The following PEAK1 variants were observed in gnomAD, a reference collection of about 807,000 sequenced individuals.
PEAK1 encodes the protein inactive tyrosine-protein kinase PEAK1.
A neutral mutation model predicts 124.7 loss-of-function variants in PEAK1; 54 were observed. The observed-to-expected ratio is 0.43, with a 90% CI of 0.35 to 0.54. The LOEUF (loss-of-function observed/expected upper bound fraction) is 0.54. Among genes scored for constraint, PEAK1 ranks in the 20% least tolerant of loss-of-function variants. The pLI is 0.01. For synonymous variants in PEAK1, 719 were observed against 760.0 expected, an observed-to-expected ratio of 0.95 and a Z score of 0.89; for missense variants, 2,046 against 2,134.5, an observed-to-expected ratio of 0.96 and a Z score of 0.82.
At position 77,133,191 on chromosome 15, in the gene PEAK1, G is replaced by C; in HGVS notation, c.3891C>G (p.Ala1297=). 5.6e-6 allele frequency: 9 copies of C among 1,614,198 alleles called. No homozygotes were observed. The highest frequency in any genetic ancestry group is 7.6e-6 in the Non-Finnish European group (9 of 1,180,038). ...VGKIRSLHTD[A]LKKLAVKCED... ...CGCATTTAACAGCCAGTTTCTTCAA[G>C]GCATCTGTATGAAGGCTTCGGATTT... Residue 1297 remains alanine, a synonymous_variant, in exon 9 of 10, where the codon GCC becomes GCG. Coordinates refer to ENST00000682557, the MANE Select transcript of PEAK1 (RefSeq NM_001385026.1). This position sits in a 1 kb window ranked among gnomAD's most constrained non-coding sequence, Gnocchi z 4.2.
chr15:77,100,680 AAGATAAATTTAAACCAC>A (rs2050686933), exon 7 of PEAK1: 1 of 152,216 alleles, frequency 6.6e-6, no homozygotes, highest in Non-Finnish European at 1.5e-5. Flanking sequence ...ATTAGCTGAA[AAGATAAATTTAAACCAC>A]AGACTCATAG....
chr15:77,200,166 A>G (rs1419365995), intron 6 of PEAK1, among the ~76,000 whole-genome samples: 1 of 152,236 alleles, frequency 6.6e-6, no homozygotes, highest in Non-Finnish European at 1.5e-5. Context: ...ACGTGAAGAC[A>G]AGATGAAGGC....
Position 77,132,875 on chromosome 15 carries a change from G to GT in PEAK1, c.4077+129dup, listed in dbSNP as rs1377122699. On this transcript the variant is annotated intron_variant, in intron 9 of 9. Coordinates refer to ENST00000682557, the MANE Select transcript of PEAK1 (RefSeq NM_001385026.1). ...AGCCCCCTGCTTAATCTAGTATCTGGTAAGAGGTAGATGCTCAATAATTTG... is the reference window on the plus strand; with the variant it reads ...AGCCCCCTGCTTAATCTAGTATCTGGTTAAGAGGTAGATGCTCAATAATTTG... The GT allele has an allele frequency of 4.3e-5, 36 of 846,428 alleles. No homozygotes were observed. In the South Asian group the frequency reaches 5.6e-4, roughly 13 times the overall value. The allele number at this position is 846,428 out of a possible 1,614,324, so 52.4% of individuals were successfully genotyped here. A position where few individuals can be genotyped will look rare whatever the true frequency, so the allele number is the denominator to read the frequency against.
intron 8 of PEAK1, among the ~76,000 whole-genome samples, chr15:77,154,549 G>C (rs1414471158): frequency 1.3e-5 from 2 of 152,140 alleles, no homozygotes; most frequent in Admixed American, 1.3e-4. Flanking sequence ...TGGTTATTTT[G>C]CTCGTTAGTT....
chr15:77,363,755 C>T (rs1404881293), intron 2 of PEAK1, among the ~76,000 whole-genome samples: 20 of 152,022 alleles, frequency 1.3e-4, no homozygotes. Flanking sequence ...ATGGATGAAG[C>T]TTAAAAACTT....
At chr15:77,274,388 T>C (rs2062198599) in intron 5 of PEAK1, among the ~76,000 whole-genome samples, 1 of 151,914 alleles carries the variant, frequency 6.6e-6, no homozygotes, top group African/African-American at 2.4e-5. Flanking sequence ...AAAGGACTAA[T>C]ATCCAGAATC....
chr15:77,339,009 T>C (rs2066371350), intron 2 of PEAK1, among the ~76,000 whole-genome samples: 1 of 152,100 alleles, frequency 6.6e-6, no homozygotes, highest in Non-Finnish European at 1.5e-5. Flanking sequence ...TGTAAATTGG[T>C]TATTTCTGAG....
At chr15:77,152,019 G>C (rs973225629) in intron 8 of PEAK1, among the ~76,000 whole-genome samples, 1 of 152,244 alleles carries the variant, frequency 6.6e-6, no homozygotes, top group East Asian at 1.9e-4. Context: ...TTCCAATTCT[G>C]TGAAGAAAGT....
chr15:77,139,033 G>A (rs1029054477), intron 8 of PEAK1, among the ~76,000 whole-genome samples: 1 of 152,030 alleles, frequency 6.6e-6, no homozygotes, highest in Non-Finnish European at 1.5e-5. Context: ...TGGAAATAAA[G>A]TCTTTGTAGA....
chr15:77,231,996 C>A (rs1415780898), intron 6 of PEAK1, among the ~76,000 whole-genome samples: 2 of 152,110 alleles, frequency 1.3e-5, no homozygotes, highest in African/African-American at 2.4e-5. Context: ...ACTATTATGA[C>A]CCAAAGCAAT....
intron 6 of PEAK1, among the ~76,000 whole-genome samples, chr15:77,202,277 C>A (rs79100219): frequency 2.6e-3 from 396 of 152,190 alleles, no homozygotes; most frequent in African/African-American, 9.2e-3. Flanking sequence ...GTTAGGAGTG[C>A]CGACCCCTCA....
At chr15:77,279,014 A>G (rs2062505776) in intron 5 of PEAK1, among the ~76,000 whole-genome samples, 1 of 151,802 alleles carries the variant, frequency 6.6e-6, no homozygotes, top group Admixed American at 6.6e-5. Flanking sequence ...TATTTTTAGT[A>G]GAGGTGGGGT....
chr15:77,393,726 C>T (rs1046595842), intron 1 of PEAK1, among the ~76,000 whole-genome samples: 139 of 152,268 alleles, frequency 9.1e-4, no homozygotes, highest in African/African-American at 3.2e-3. Context: ...AGGAGAGACT[C>T]CTTCTGCTTA....
At chr15:77,368,660 A>G (rs1203459428) in intron 1 of PEAK1, among the ~76,000 whole-genome samples, 1 of 152,204 alleles carries the variant, frequency 6.6e-6, no homozygotes, top group African/African-American at 2.4e-5. Flanking sequence ...AAAGAGCAAG[A>G]AGTGTTTGAT....
At chr15:77,256,908 G>A (rs576908508) in intron 5 of PEAK1, among the ~76,000 whole-genome samples, 1 of 143,694 alleles carries the variant, frequency 7.0e-6, no homozygotes, top group East Asian at 2.1e-4. Flanking sequence ...CCCAGAGTGT[G>A]ATGTTCCCCT....
chr15:77,357,475 G>C (rs2067595602), intron 2 of PEAK1, among the ~76,000 whole-genome samples: 1 of 152,054 alleles, frequency 6.6e-6, no homozygotes, highest in South Asian at 2.1e-4. Context: ...GTTTCACCAT[G>C]TTGGCCAAAG....
intron 2 of PEAK1, among the ~76,000 whole-genome samples, chr15:77,362,764 A>C (rs1477109103): frequency 2.0e-5 from 3 of 152,196 alleles, no homozygotes; most frequent in Non-Finnish European, 4.4e-5. Flanking sequence ...AAACAACCCA[A>C]ATGTCCAACA....
chr15:77,292,452 C>A (rs111917932), intron 2 of PEAK1, among the ~76,000 whole-genome samples: 66 of 150,604 alleles, frequency 4.4e-4, no homozygotes, highest in African/African-American at 1.6e-3. Flanking sequence ...CACTTTGGGA[C>A]AACACTGGGG....
intron 6 of PEAK1, among the ~76,000 whole-genome samples, chr15:77,236,830 G>T (rs888990098): frequency 1.3e-5 from 2 of 152,138 alleles, no homozygotes; most frequent in Non-Finnish European, 2.9e-5. Flanking sequence ...TGCTGTTCTA[G>T]TGATAGTGAG....
Sources: allele counts gnomAD v4.1 joint callset (sites outside exome capture counted in the v4.1 genomes callset), GRCh38; gene constraint gnomAD v4.1.1; non-coding constraint Gnocchi (gnomAD v3.1); transcripts MANE v1.5; gene names NCBI Gene and HGNC (gene_info 2026-07-23, HGNC 2026-07-21).